The following AGAP1 variants were observed in gnomAD, a reference collection of about 807,000 sequenced individuals.
AGAP1 encodes the protein arf-GAP with GTPase, ANK repeat and PH domain-containing protein 1.
A neutral mutation model predicts 105.3 loss-of-function variants in AGAP1; 29 were observed. The ratio of observed to expected loss-of-function variants is 0.28; its 90% CI spans 0.21 to 0.38. The LOEUF (loss-of-function observed/expected upper bound fraction) is 0.38, where lower values mean the gene tolerates loss of function less well. Among genes scored for constraint, AGAP1 ranks in the 10% least tolerant of loss-of-function variants. The probability of loss-of-function intolerance (pLI) is 1.00; values close to 1 mark genes in which losing one functional copy is unlikely to be tolerated. For missense variants in AGAP1, 998 were observed against 1,165.1 expected (o/e 0.86, Z 2.09); for synonymous variants, 509 against 485.9 (o/e 1.05, Z -0.63).
rs1949622258 is a variant in AGAP1 at position 235,689,258 on chromosome 2, T to A, written c.164-19921T>A. Among the ~76,000 whole-genome samples, 1 of 151,996 alleles carries A rather than the reference T, an allele frequency of 6.6e-6. No individual in the cohort carries two copies. The highest frequency in any genetic ancestry group is 2.4e-5 in the African/African-American group (1 of 41,394). ...CTAGCACCGAGATGGTTCAGGGCAC[T>A]TTGGAGCTAGAGCAAGAGCAATGGA... On this transcript the variant is annotated intron_variant, in intron 1 of 17. Transcript: ENST00000304032. This position sits in a 1 kb window ranked among gnomAD's most constrained non-coding sequence, Gnocchi z 4.2.
chr2:235,526,103 A>T (rs1197387903), intron 1 of AGAP1, among the ~76,000 whole-genome samples: 1 of 64,254 alleles, frequency 1.6e-5, no homozygotes, highest in Non-Finnish European at 2.8e-5. Flanking sequence ...TGATTTATAA[A>T]GTAGAGGACT....
chr2:235,684,804 G>T (rs1949291327), intron 1 of AGAP1, among the ~76,000 whole-genome samples: 2 of 152,120 alleles, frequency 1.3e-5, no homozygotes, highest in Admixed American at 1.3e-4. Context: ...AATCTTAGAG[G>T]CACTTTCAGA....
At chr2:236,122,978 C>A (rs752619539) in intron 17 of AGAP1, among the ~76,000 whole-genome samples, 1 of 152,082 alleles carries the variant, frequency 6.6e-6, no homozygotes, top group Non-Finnish European at 1.5e-5. Context: ...CCACCGTGTC[C>A]GGCTCCAGTG....
chr2:235,757,047 T>G (rs554154101), intron 6 of AGAP1, among the ~76,000 whole-genome samples: 3 of 152,350 alleles, frequency 2.0e-5, no homozygotes, highest in African/African-American at 7.2e-5. Flanking sequence ...TGATCTGCAC[T>G]GTGCTAGGAC....
At position 236,116,469 on chromosome 2, in the gene AGAP1, C is replaced by T. The variant is rs188781633; in HGVS notation, c.2115-3723C>T. ...GATTCAAGCAATTCTCCTGCATCAG[C>T]CTCCTGAGTAGCTGGGATTACAGGC... On this transcript the variant is annotated intron_variant, in intron 16 of 17. Coordinates refer to ENST00000304032, the MANE Select transcript of AGAP1 (RefSeq NM_001037131.3). Among the ~76,000 whole-genome samples the T allele has an allele frequency of 2.2e-3, 335 of 151,170 alleles. 3 individuals are homozygous for T. Among genetic ancestry groups the T allele is most frequent in the African/African-American group, 7.7e-3 (319 of 41,278 alleles).
At chr2:235,915,062 C>G (rs981642411) in intron 11 of AGAP1, among the ~76,000 whole-genome samples, 2 of 152,124 alleles carry the variant, frequency 1.3e-5, no homozygotes, top group Non-Finnish European at 2.9e-5. Flanking sequence ...CAGCTCACAG[C>G]CCCCCACACG....
At chr2:235,513,424 G>A (rs1364044800) in intron 1 of AGAP1, among the ~76,000 whole-genome samples, 1 of 151,392 alleles carries the variant, frequency 6.6e-6, no homozygotes, top group Admixed American at 6.6e-5. Flanking sequence ...GGGAGGTTGA[G>A]GCAGGAGAAT....
chr2:236,015,484 C>T (rs181361845), intron 13 of AGAP1, among the ~76,000 whole-genome samples: 50 of 152,248 alleles, frequency 3.3e-4, no homozygotes, highest in African/African-American at 1.1e-3. Context: ...CGAAGACAGC[C>T]GTCATTGCTT....
At chr2:236,008,682 T>A (rs1380129867) in intron 13 of AGAP1, among the ~76,000 whole-genome samples, 1 of 152,204 alleles carries the variant, frequency 6.6e-6, no homozygotes. Context: ...GTTTTTATTT[T>A]CCCGGGTTGA....
chr2:235,696,010 G>A (rs910571706), intron 1 of AGAP1, among the ~76,000 whole-genome samples: 6 of 152,184 alleles, frequency 3.9e-5, no homozygotes, highest in African/African-American at 1.4e-4. Flanking sequence ...GGGGCACCAG[G>A]ATGGGTATTG....
chr2:235,882,516 T>C lies in AGAP1; in HGVS notation c.1051-829T>C. ...CATTTTCTTAAAACAATCGGTACCA[T>C]CCGTGGCGGGCTCTTAGCTCACTGC... is the stretch of plus-strand genomic sequence containing the variant. On this transcript the variant is annotated intron_variant, in intron 9 of 17. Transcript: ENST00000304032. This position sits in a 1 kb window ranked among gnomAD's most constrained non-coding sequence, Gnocchi z 4.6. 7.3e-7 allele frequency: 1 copy of C among 1,371,338 alleles called. No homozygotes were observed. The highest frequency in any genetic ancestry group is 1.0e-6 in the Non-Finnish European group (1 of 977,038). 84.9% of individuals were successfully genotyped at this position (1,371,338 alleles called of 1,614,324 possible).
chr2:236,030,058 G>C (rs550429146), intron 13 of AGAP1, among the ~76,000 whole-genome samples: 1 of 152,270 alleles, frequency 6.6e-6, no homozygotes, highest in African/African-American at 2.4e-5. Context: ...TCTTGTTCTT[G>C]AGAGAGAGTT....
At chr2:235,863,685 G>A (rs1347932147) in intron 9 of AGAP1, among the ~76,000 whole-genome samples, 3 of 152,226 alleles carry the variant, frequency 2.0e-5, no homozygotes, top group Non-Finnish European at 4.4e-5. Context: ...GGCTAACTAC[G>A]GGTCGCTGGC....
chr2:235,697,273 G>A (rs1283467241), intron 1 of AGAP1, among the ~76,000 whole-genome samples: 1 of 152,236 alleles, frequency 6.6e-6, no homozygotes, highest in Non-Finnish European at 1.5e-5. Flanking sequence ...CTGCCCAGGC[G>A]TTCCATGTAG....
chr2:235,970,596 A>C lies in AGAP1; in HGVS notation c.1645+1973A>C, dbSNP rs188827816. Among the ~76,000 whole-genome samples the C allele has an allele frequency of 1.3e-5, 2 of 152,100 alleles. No homozygotes were observed. The highest frequency in any genetic ancestry group is 2.9e-5 in the Non-Finnish European group (2 of 68,028). ...TTCTTGCATTTGTTGTGTGTTTCCA[A>C]CCGAGGTCTGTGGTTTTTTCTTATG... On this transcript the variant is annotated intron_variant, in intron 13 of 17. Coordinates refer to ENST00000304032, the MANE Select transcript of AGAP1 (RefSeq NM_001037131.3). The surrounding 1 kb of genome is among the most constrained non-coding windows in gnomAD (Gnocchi z 5.4).
At chr2:236,049,404 G>C (rs969116755) in intron 16 of AGAP1, 123 bp downstream of exon 16, 4 of 832,096 alleles carry the variant, frequency 4.8e-6, no homozygotes, top group Non-Finnish European at 5.6e-6. Flanking sequence ...CGGGAATTCC[G>C]ATTCATCCGG....
In AGAP1 at chr2:235,508,391, T is replaced by C. The variant is rs139193038; in HGVS notation, c.163+13542T>C. Among the ~76,000 whole-genome samples, 311 of 152,350 alleles carry C rather than the reference T, an allele frequency of 2.0e-3. 1 individual carries two copies. The highest frequency in any genetic ancestry group is 7.0e-3 in the African/African-American group (290 of 41,576). ...TCAGCCCATAAGTCTGCAGAAGTACTTGGGGAATTCTCTCCGCAGTTCGCA... is the reference window on the plus strand; with the variant it reads ...TCAGCCCATAAGTCTGCAGAAGTACCTGGGGAATTCTCTCCGCAGTTCGCA... On this transcript the variant is annotated intron_variant, in intron 1 of 17. Coordinates refer to ENST00000304032, the MANE Select transcript of AGAP1 (RefSeq NM_001037131.3).
intron 1 of AGAP1, among the ~76,000 whole-genome samples, chr2:235,505,195 A>G (rs1372532994): frequency 1.3e-5 from 2 of 152,236 alleles, no homozygotes; most frequent in Admixed American, 6.5e-5. Context: ...AGCATTATTC[A>G]GTTTTTGTTG....
rs573142703 is a variant in AGAP1 at position 236,127,470 on chromosome 2, C to T, written c.*3348C>T. The T allele has an allele frequency of 1.3e-5, 2 of 152,410 alleles. No homozygotes were observed. The highest frequency in any genetic ancestry group is 2.4e-5 in the African/African-American group (1 of 41,558). The allele number at this position is 152,410 out of a possible 1,614,324, so 9.4% of individuals were successfully genotyped here. ...AGAAGGCAGCGGGTCACTCGCCAAT[C>T]GCAGGGTTCTCAGACACAGGAGAGA... On this transcript the variant is annotated 3_prime_UTR_variant, in exon 18 of 18. Transcript: ENST00000304032. This position sits in a 1 kb window ranked among gnomAD's most constrained non-coding sequence, Gnocchi z 6.6.
Sources: gnomAD v4.1 joint callset for allele counts (sites outside exome capture counted in the v4.1 genomes callset) on GRCh38, gnomAD v4.1.1 for gene constraint, Gnocchi (gnomAD v3.1) non-coding constraint, MANE v1.5 for transcripts, NCBI Gene and HGNC (gene_info 2026-07-23, HGNC 2026-07-21) for gene names.